The following GTF3C2 variants were observed in gnomAD, a reference collection of about 807,000 sequenced individuals.
GTF3C2 encodes general transcription factor IIIC subunit 2.
A neutral mutation model predicts 117.4 loss-of-function variants in GTF3C2; 17 were observed. That is an observed-to-expected ratio of 0.14 (90% confidence interval 0.10 to 0.22). The LOEUF (loss-of-function observed/expected upper bound fraction) is 0.22, where lower values mean the gene tolerates loss of function less well. Among genes scored for constraint, GTF3C2 ranks in the 10% least tolerant of loss-of-function variants. The pLI, the probability that GTF3C2 is intolerant of heterozygous loss-of-function variation, is 1.00. For missense variants in GTF3C2, 888 were observed against 1,143.6 expected (o/e 0.78, Z 3.22); for synonymous variants, 437 against 427.0 (o/e 1.02, Z -0.29).
chr2:27,341,695 G>A (rs1680735248), intron 4 of GTF3C2: 1 of 490,000 alleles, frequency 2.0e-6, no homozygotes. Context: ...AGGATACACT[G>A]TCTTATTTAC....
At chr2:27,328,355 A>T in intron 16 of GTF3C2, 113 bp downstream of exon 16, 1 of 1,181,696 alleles carries the variant, frequency 8.5e-7, no homozygotes, top group Non-Finnish European at 1.3e-6. Context: ...CTGTGCTAAG[A>T]TTTTCTGGGA....
At chr2:27,333,139 C>A (rs1680337240) in intron 12 of GTF3C2, among the ~76,000 whole-genome samples, 1 of 151,400 alleles carries the variant, frequency 6.6e-6, no homozygotes, top group South Asian at 2.1e-4. Context: ...TGAGCCACCA[C>A]ACCTGGCCGG....
exon 3 of GTF3C2, chr2:27,342,862 G>A: frequency 6.2e-7 from 1 of 1,614,116 alleles, no homozygotes; most frequent in Non-Finnish European, 8.5e-7. Flanking sequence ...TTCCCCAGAA[G>A]GGGTCTCAAA....
intron 4 of GTF3C2, 111 bp downstream of exon 4, chr2:27,341,837 G>A (rs1035760765): frequency 1.1e-6 from 1 of 921,760 alleles, no homozygotes; most frequent in Non-Finnish European, 1.6e-6. Context: ...TCTTTAACCT[G>A]TTTTGTCTAT....
intron 1 of GTF3C2, among the ~76,000 whole-genome samples, chr2:27,346,422 G>C (rs1189841621): frequency 8.2e-6 from 1 of 122,094 alleles, no homozygotes; most frequent in Admixed American, 1.1e-4. Context: ...TGCAATCACA[G>C]CTCACTGCAG....
chr2:27,332,440 A>G (rs1314079305), intron 12 of GTF3C2, among the ~76,000 whole-genome samples: 1 of 151,608 alleles, frequency 6.6e-6, no homozygotes, highest in Admixed American at 6.6e-5. Context: ...TTTGAGACAG[A>G]GTCTCGCTCT....
intron 4 of GTF3C2, among the ~76,000 whole-genome samples, chr2:27,341,187 CA>C (rs1454618318): frequency 6.6e-6 from 1 of 152,070 alleles, no homozygotes; most frequent in Non-Finnish European, 1.5e-5. Context: ...AGGTGCGTGC[CA>C]CCATGCCTGG....
chr2:27,344,795 G>A (rs1333852410), intron 1 of GTF3C2, among the ~76,000 whole-genome samples: 6 of 151,938 alleles, frequency 3.9e-5, no homozygotes, highest in Non-Finnish European at 8.8e-5. Flanking sequence ...ACCAGTCTGG[G>A]CAACATAGGG....
chr2:27,352,163 C>T (rs1450514476), intron 1 of GTF3C2, among the ~76,000 whole-genome samples: 2 of 152,146 alleles, frequency 1.3e-5, no homozygotes, highest in Non-Finnish European at 2.9e-5. Flanking sequence ...ATCAGATTCT[C>T]GCTGATATTC....
At chr2:27,348,250 G>C (rs1237111508) in intron 1 of GTF3C2, among the ~76,000 whole-genome samples, 1 of 149,078 alleles carries the variant, frequency 6.7e-6, no homozygotes, top group East Asian at 2.0e-4. Context: ...CTGGGCGACA[G>C]AGCAGGACTC....
chr2:27,330,314 T>A (rs1376378285), intron 12 of GTF3C2, among the ~76,000 whole-genome samples: 1 of 149,798 alleles, frequency 6.7e-6, no homozygotes, highest in African/African-American at 2.5e-5. Context: ...CAAAAAAAAA[T>A]TAGCCAGTGT....
chr2:27,335,668 G>T, exon 10 of GTF3C2: 1 of 1,562,720 alleles, frequency 6.4e-7, no homozygotes, highest in Non-Finnish European at 8.7e-7. Context: ...CGTCTGAGCA[G>T]GCCAGAGCCA....
intron 10 of GTF3C2, chr2:27,335,374 A>G (rs1680423395): frequency 1.5e-6 from 1 of 675,454 alleles, no homozygotes; most frequent in South Asian, 1.5e-5. Context: ...AAGAGGGAAG[A>G]AGGGGGAGAT....
At chr2:27,356,339 C>T (rs1334339026) in intron 1 of GTF3C2, 1 of 342,810 alleles carries the variant, frequency 2.9e-6, no homozygotes, top group Non-Finnish European at 5.8e-6. Context: ...CATCACCTGC[C>T]CTTCTTCAGT....
intron 4 of GTF3C2, chr2:27,339,474 A>AT (rs1293678404): frequency 1.3e-5 from 2 of 151,586 alleles, no homozygotes; most frequent in African/African-American, 4.8e-5. Flanking sequence ...AAATTTTGAT[A>AT]TTTTGTTCAT....
At chr2:27,355,966 C>A in intron 1 of GTF3C2, 1 of 570,340 alleles carries the variant, frequency 1.8e-6, no homozygotes, top group Non-Finnish European at 2.9e-6. Flanking sequence ...TTAAGTAAGT[C>A]AATTTAAAGA....
chr2:27,327,072 G>T, intron 18 of GTF3C2, 105 bp downstream of exon 18: 1 of 695,180 alleles, frequency 1.4e-6, no homozygotes, highest in African/African-American at 1.8e-5. Context: ...CTCTGGAGGA[G>T]GAGGAGGTTG....
chr2:27,340,271 G>A (rs951214969), intron 4 of GTF3C2: 1 of 152,194 alleles, frequency 6.6e-6, no homozygotes. Flanking sequence ...TAAAGACAGA[G>A]TCTGGCTGGA....
intron 1 of GTF3C2, among the ~76,000 whole-genome samples, chr2:27,351,683 T>C (rs928437890): frequency 2.6e-5 from 4 of 152,222 alleles, no homozygotes; most frequent in African/African-American, 9.6e-5. Context: ...AGGAGCATAT[T>C]TGATTTGTAA....
Sources: gnomAD v4.1 joint callset for allele counts (sites outside exome capture counted in the v4.1 genomes callset) on GRCh38, gnomAD v4.1.1 for gene constraint, MANE v1.5 for transcripts, NCBI Gene and HGNC (gene_info 2026-07-23, HGNC 2026-07-21) for gene names.